MROH9: variants seen among roughly 807,000 people sequenced by gnomAD.
MROH9 encodes the protein maestro heat like repeat family member 9, also known as maestro heat-like repeat-containing protein family member 9.
Under a neutral mutation model 98.2 loss-of-function variants are expected in MROH9, and 92 were observed. That is an observed-to-expected ratio of 0.94 (90% CI 0.79 to 1.11). MROH9 has a LOEUF of 1.11. Among genes scored for constraint, MROH9 ranks in the 50% most tolerant of loss-of-function variants. The probability of loss-of-function intolerance (pLI) is 0.00; values close to 1 mark genes in which losing one functional copy is unlikely to be tolerated. For synonymous variants in MROH9, 397 were observed against 368.9 expected, an observed-to-expected ratio of 1.08 and a Z score of -0.87; for missense variants, 1,057 against 1,014.8, an observed-to-expected ratio of 1.04 and a Z score of -0.57.
At chr1:171,038,087 A>C (rs745741511) in intron 20 of MROH9, among the ~76,000 whole-genome samples, 17 of 152,266 alleles carry the variant, frequency 1.1e-4, no homozygotes, top group Middle Eastern at 6.8e-3. Flanking sequence ...CTATGTAAAA[A>C]TGAAACGGTA....
chr1:170,995,634 G>A, intron 13 of MROH9, 103 bp downstream of exon 13: 2 of 1,284,250 alleles, frequency 1.6e-6, no homozygotes, highest in African/African-American at 1.5e-5. Flanking sequence ...AGTCCCATGT[G>A]CGGTGTGTTC....
chr1:170,937,025 G>T (rs1648911779), intron 1 of MROH9, among the ~76,000 whole-genome samples: 1 of 152,224 alleles, frequency 6.6e-6, no homozygotes, highest in African/African-American at 2.4e-5. Context: ...TGCACAGCTA[G>T]AGAAACAGGG....
chr1:170,991,682 C>CT (rs1651361048), intron 11 of MROH9, among the ~76,000 whole-genome samples: 1 of 152,072 alleles, frequency 6.6e-6, no homozygotes. Context: ...ATGGCTCACT[C>CT]TTCTGAGCTC....
chr1:171,034,654 C>T (rs923547071), intron 20 of MROH9, among the ~76,000 whole-genome samples: 3 of 152,124 alleles, frequency 2.0e-5, no homozygotes, highest in African/African-American at 7.2e-5. Flanking sequence ...GATCAACAGG[C>T]TCAGTCCAAG....
At chr1:170,937,607 C>T (rs963260597) in intron 1 of MROH9, among the ~76,000 whole-genome samples, 23 of 148,412 alleles carry the variant, frequency 1.5e-4, no homozygotes, top group African/African-American at 4.2e-4. Flanking sequence ...CTGCAAGCTC[C>T]GCCTCCCGGG....
In MROH9 at chr1:171,024,413, A is replaced by C. The variant is rs1207758033; in HGVS notation, c.1927A>C (p.Ser643Arg). The C allele has an allele frequency of 1.3e-6, 2 of 1,551,212 alleles. No individual in the cohort carries two copies. The highest frequency in any genetic ancestry group is 2.4e-5 in the South Asian group (2 of 84,040). ...TTTACAGATTAATGGAGGCATTCGA[A>C]GTATGGCAATTCGACACTTTGGTCA... is the stretch of plus-strand genomic sequence containing the variant. ...LMDHINGGIR[S>R]MAIRHFGQLV... The change falls in exon 18 of 22, where the codon AGT (serine) becomes CGT (arginine). Residue 643 changes from serine (S) to arginine (R), a missense_variant. Physicochemically the swap from Ser to Arg is moderately radical, Grantham distance 110. Transcript: ENST00000367759.
intron 20 of MROH9, among the ~76,000 whole-genome samples, chr1:171,029,727 G>A (rs970215004): frequency 1.3e-5 from 2 of 152,154 alleles, no homozygotes; most frequent in African/African-American, 4.8e-5. Flanking sequence ...TTGCATCGAT[G>A]TTCATCAGAA....
intron 7 of MROH9, among the ~76,000 whole-genome samples, chr1:170,966,839 G>A (rs775133180): frequency 1.2e-4 from 18 of 152,028 alleles, no homozygotes; most frequent in Non-Finnish European, 1.9e-4. Flanking sequence ...TGAAAATTTT[G>A]CAAGTGAGGC....
At chr1:171,015,430 A>T (rs1006019914) in intron 16 of MROH9, among the ~76,000 whole-genome samples, 1 of 152,196 alleles carries the variant, frequency 6.6e-6, no homozygotes, top group Non-Finnish European at 1.5e-5. Flanking sequence ...GTAAAGACAC[A>T]AATGGCCTCT....
chr1:171,024,482 G>A lies in MROH9; in HGVS notation c.1996G>A (p.Val666Met), dbSNP rs778294881. The A allele has an allele frequency of 3.9e-6, 6 of 1,550,120 alleles. No homozygotes were observed. The Admixed American group carries it at 7.9e-5, about 20-fold the overall frequency. Reference sequence around the variant, plus strand: ...ACAGTACACATGGATGGTGAATGATGTGGTTCTAGAAGGCTTGGTGCCCCT... The same window carrying A: ...ACAGTACACATGGATGGTGAATGATATGGTTCTAGAAGGCTTGGTGCCCCT... ...MRQYTWMVND[V>M]VLEGLVPLIL... Residue 666 changes from valine to methionine, a missense_variant, in exon 18 of 22, where the codon GTG becomes ATG. Transcript: ENST00000367759.
intron 1 of MROH9, among the ~76,000 whole-genome samples, chr1:170,942,890 G>A (rs1390396186): frequency 6.6e-6 from 1 of 152,110 alleles, no homozygotes; most frequent in Non-Finnish European, 1.5e-5. Flanking sequence ...GTGGGCCAGG[G>A]TAAAGGAGGC....
chr1:170,985,925 G>A (rs958920273), intron 9 of MROH9, among the ~76,000 whole-genome samples: 9 of 151,082 alleles, frequency 6.0e-5, no homozygotes, highest in African/African-American at 1.9e-4. Flanking sequence ...TGGTGAGATT[G>A]GGTATCCTCT....
chr1:171,047,720 A>G (rs190008404), intron 20 of MROH9, among the ~76,000 whole-genome samples: 2 of 152,292 alleles, frequency 1.3e-5, no homozygotes, highest in African/African-American at 4.8e-5. Flanking sequence ...ATGATAGCAG[A>G]TGTTCTTCAC....
At chr1:170,969,616 C>T (rs1571460412) in intron 7 of MROH9, among the ~76,000 whole-genome samples, 1 of 152,186 alleles carries the variant, frequency 6.6e-6, no homozygotes, top group South Asian at 2.1e-4. Flanking sequence ...GAAGAAGCAG[C>T]TGAAAACCAT....
chr1:171,040,632 A>G (rs938711544), intron 20 of MROH9, among the ~76,000 whole-genome samples: 29 of 152,134 alleles, frequency 1.9e-4, no homozygotes, highest in African/African-American at 6.8e-4. Context: ...TAGCCATGTG[A>G]CCTTTACCAA....
At chr1:171,063,474 G>C (rs933361338) in intron 21 of MROH9, among the ~76,000 whole-genome samples, 1 of 151,836 alleles carries the variant, frequency 6.6e-6, no homozygotes, top group South Asian at 2.1e-4. Flanking sequence ...GGATGGTCTC[G>C]ATCTCCTGAC....
At chr1:170,952,574 G>C (rs538036559) in intron 3 of MROH9, among the ~76,000 whole-genome samples, 32 of 145,312 alleles carry the variant, frequency 2.2e-4, no homozygotes, top group African/African-American at 7.3e-4. Flanking sequence ...CACAGGAAGC[G>C]GAACATCACA....
At chr1:171,020,189 A>G (rs1652472607) in intron 17 of MROH9, among the ~76,000 whole-genome samples, 1 of 126,196 alleles carries the variant, frequency 7.9e-6, no homozygotes, top group Non-Finnish European at 1.9e-5. Context: ...AGACATACAA[A>G]GAGGAGCTGG....
intron 14 of MROH9, among the ~76,000 whole-genome samples, chr1:170,997,741 C>T (rs188926628): frequency 6.3e-4 from 96 of 152,236 alleles, no homozygotes; most frequent in African/African-American, 2.1e-3. Context: ...TAATCCAGGG[C>T]GGTCCCAAAC....
Sources: allele counts gnomAD v4.1 joint callset (sites outside exome capture counted in the v4.1 genomes callset), GRCh38; gene constraint gnomAD v4.1.1; transcripts MANE v1.5; gene names NCBI Gene and HGNC (gene_info 2026-07-23, HGNC 2026-07-21).